The following TRMT10B variants were observed in gnomAD, a reference collection of about 807,000 sequenced individuals.
TRMT10B encodes tRNA methyltransferase 10B.
Under a neutral mutation model 43.8 loss-of-function variants are expected in TRMT10B, and 33 were observed. That is an observed-to-expected ratio of 0.75 (90% CI 0.57 to 1.01). TRMT10B has a LOEUF of 1.01. Ranked by LOEUF, TRMT10B falls within the 50% of genes least tolerant of loss-of-function variation. The probability of loss-of-function intolerance (pLI) is 0.00; values close to 1 mark genes in which losing one functional copy is unlikely to be tolerated. For synonymous variants in TRMT10B, 137 were observed against 130.6 expected (o/e 1.05, Z -0.34); for missense variants, 362 against 369.8 (o/e 0.98, Z 0.17).
chr9:37,756,499 A>G (rs1048444250), intron 1 of TRMT10B, among the ~76,000 whole-genome samples: 15 of 151,820 alleles, frequency 9.9e-5, no homozygotes, highest in Non-Finnish European at 2.2e-4. Context: ...TTGGGTCAGG[A>G]GTTTGAGACC....
intron 7 of TRMT10B, among the ~76,000 whole-genome samples, chr9:37,774,457 G>A (rs182409039): frequency 0.012 from 1,847 of 152,282 alleles, 42 homozygotes; most frequent in Admixed American, 0.047. Context: ...GGTTGTTATT[G>A]GAGTTTGGCT....
chr9:37,761,855 A>G (rs1826372323), intron 1 of TRMT10B, 48 bp from the exon 2 acceptor site: 1 of 1,318,980 alleles, frequency 7.6e-7, no homozygotes, highest in Non-Finnish European at 1.1e-6. Context: ...GGAGATACCT[A>G]TGTTAGTGAA....
chr9:37,757,933 G>A (rs978117916), intron 1 of TRMT10B, among the ~76,000 whole-genome samples: 5 of 151,952 alleles, frequency 3.3e-5, no homozygotes, highest in African/African-American at 4.9e-5. Flanking sequence ...CCTATTTTAA[G>A]TGTGTCTAAA....
At chr9:37,770,122 C>T in intron 6 of TRMT10B, 103 bp downstream of exon 6, 1 of 1,010,444 alleles carries the variant, frequency 9.9e-7, no homozygotes, top group East Asian at 2.4e-5. Context: ...CACCCCTCCC[C>T]ACCCCCACAA....
intron 1 of TRMT10B, among the ~76,000 whole-genome samples, chr9:37,755,679 TTTTA>T (rs1392136206): frequency 6.6e-6 from 1 of 151,948 alleles, no homozygotes; most frequent in African/African-American, 2.4e-5. Context: ...TTGGAGTTGT[TTTTA>T]TTTGATTTGC....
At chr9:37,776,131 G>A (rs757859902) in intron 7 of TRMT10B, 151 bp from the exon 8 acceptor site, 23 of 660,004 alleles carry the variant, frequency 3.5e-5, no homozygotes, top group Non-Finnish European at 5.3e-5. Flanking sequence ...CAAAAAGTAA[G>A]ATATTGTCAC....
upstream of TRMT10B, among the ~76,000 whole-genome samples, chr9:37,753,189 A>G (rs767059580): frequency 1.8e-4 from 27 of 152,326 alleles, no homozygotes; most frequent in Non-Finnish European, 3.1e-4. Context: ...AAGAAACTCC[A>G]GACACGCAGT....
In TRMT10B at chr9:37,777,803, C is replaced by A; in HGVS notation, c.*96C>A. On this transcript the variant is annotated 3_prime_UTR_variant, in exon 9 of 9. Transcript: ENST00000297994. The stretch of plus-strand genomic sequence containing the variant: ...GGCAGATCACCTGAGGTCAGGAGTT[C>A]ACGACCAGCCTGGCCAACATGGTGA... 2.1e-6 allele frequency: 2 copies of A among 950,546 alleles called. No homozygotes were observed. Among genetic ancestry groups the A allele is most frequent in the South Asian group, 1.4e-5 (1 of 71,196 alleles). 58.9% of individuals were successfully genotyped at this position (950,546 alleles called of 1,614,324 possible).
chr9:37,769,305 C>CT (rs1827295284), intron 5 of TRMT10B, among the ~76,000 whole-genome samples: 5 of 43,892 alleles, frequency 1.1e-4, no homozygotes, highest in African/African-American at 2.0e-4. Flanking sequence ...CAGACCCTGT[C>CT]TTTAAAAAAA....
rs898366545 is a variant in TRMT10B, at chr9:37,777,831, C to T, written c.*124C>T. On this transcript the variant is annotated 3_prime_UTR_variant, in exon 9 of 9. Coordinates refer to ENST00000297994, the MANE Select transcript of TRMT10B (RefSeq NM_144964.4). ...GACCAGCCTGGCCAACATGGTGAAA[C>T]CCTTCTCTACTGAAAATACAAAAAT... 2.9e-6 allele frequency: 2 copies of T among 682,126 alleles called. No homozygotes were observed. The highest frequency in any genetic ancestry group is 2.6e-5 in the Admixed American group (1 of 38,760). 42.3% of individuals were successfully genotyped at this position (682,126 alleles called of 1,614,324 possible).
At chr9:37,753,522 C>T (rs536264173), upstream of TRMT10B, among the ~76,000 whole-genome samples, 21 of 152,298 alleles carry the variant, frequency 1.4e-4, no homozygotes, top group South Asian at 3.1e-3. Context: ...ACCCCAGTTT[C>T]GCAATGTCCA....
chr9:37,763,848 G>T, intron 4 of TRMT10B, 95 bp downstream of exon 4: 1 of 1,605,240 alleles, frequency 6.2e-7, no homozygotes, highest in Admixed American at 1.7e-5. Context: ...CCAGCTTCTG[G>T]GATTCCTTAG....
At chr9:37,773,670 C>T (rs745826452) in intron 7 of TRMT10B, among the ~76,000 whole-genome samples, 1 of 152,086 alleles carries the variant, frequency 6.6e-6, no homozygotes, top group African/African-American at 2.4e-5. Context: ...CCTGTCTCTA[C>T]TAAAAACATA....
chr9:37,765,284 T>C (rs2118816597), intron 4 of TRMT10B, among the ~76,000 whole-genome samples: 1 of 152,236 alleles, frequency 6.6e-6, no homozygotes, highest in East Asian at 1.9e-4. Flanking sequence ...GTGTGTGATG[T>C]TCCCCTTCCC....
chr9:37,754,490 G>A (rs1256614671), intron 1 of TRMT10B, among the ~76,000 whole-genome samples: 1 of 152,176 alleles, frequency 6.6e-6, no homozygotes, highest in Admixed American at 6.5e-5. Flanking sequence ...TACTGTCAGT[G>A]AAATGGAGAG....
rs748918332 is a variant in TRMT10B, at chr9:37,763,624, T to A, written c.296-5T>A. On this transcript the variant is annotated splice_region_variant and splice_polypyrimidine_tract_variant and intron_variant, in intron 3 of 8. Transcript: ENST00000297994. Reference sequence around the variant, plus strand: ...TTTTATTTCTTTCTGATATTTCTGCTTTAGGCATTTGCCCCCAGCACAGCA... The same window carrying A: ...TTTTATTTCTTTCTGATATTTCTGCATTAGGCATTTGCCCCCAGCACAGCA... 2 of 1,613,070 alleles carry A rather than the reference T, an allele frequency of 1.2e-6. No homozygotes were observed. Among genetic ancestry groups the A allele is most frequent in the Middle Eastern group, 1.7e-4 (1 of 6,054 alleles).
At chr9:37,773,012 G>C (rs1827750440) in intron 7 of TRMT10B, among the ~76,000 whole-genome samples, 2 of 151,966 alleles carry the variant, frequency 1.3e-5, no homozygotes, top group South Asian at 4.1e-4. Context: ...AGTGAAAATG[G>C]TATTGTGGTA....
chr9:37,753,240 C>T (rs767140822), upstream of TRMT10B, among the ~76,000 whole-genome samples: 3 of 152,212 alleles, frequency 2.0e-5, no homozygotes, highest in South Asian at 2.1e-4. Flanking sequence ...CGGTTTCATT[C>T]TTGAAGTCAG....
intron 1 of TRMT10B, among the ~76,000 whole-genome samples, chr9:37,757,560 T>C (rs1236216568): frequency 6.6e-6 from 1 of 152,198 alleles, no homozygotes; most frequent in Non-Finnish European, 1.5e-5. Context: ...ATCTATAATT[T>C]TGAAAATCTA....
Sources: gnomAD v4.1 joint callset for allele counts (sites outside exome capture counted in the v4.1 genomes callset) on GRCh38, gnomAD v4.1.1 for gene constraint, MANE v1.5 for transcripts, NCBI Gene and HGNC (gene_info 2026-07-23, HGNC 2026-07-21) for gene names.